The following JAK1 variants were observed in gnomAD, a reference collection of about 807,000 sequenced individuals.
The protein encoded by JAK1 is tyrosine-protein kinase JAK1.
A neutral mutation model predicts 136.6 loss-of-function variants in JAK1; 16 were observed. The observed-to-expected ratio is 0.12, with a 90% CI of 0.08 to 0.18. The LOEUF (loss-of-function observed/expected upper bound fraction) is 0.18. JAK1 is among the 10% of genes least tolerant of loss of function. The pLI is 1.00. For synonymous variants in JAK1, 492 were observed against 519.5 expected (o/e 0.95, Z 0.72); for missense variants, 859 against 1,450.1 (o/e 0.59, Z 6.62).
chr1:65,030,692 C>T (rs1035335083), intron 2 of JAK1, among the ~76,000 whole-genome samples: 1 of 152,112 alleles, frequency 6.6e-6, no homozygotes. Context: ...ACACCAGGCC[C>T]AGCTAATTTT....
chr1:64,965,235 T>C (rs550940974), intron 1 of JAK1, among the ~76,000 whole-genome samples: 1 of 152,280 alleles, frequency 6.6e-6, no homozygotes, highest in South Asian at 2.1e-4. Context: ...TATACCACTG[T>C]AAATTCCTGC....
At chr1:64,863,658 T>C (rs749639498) in intron 8 of JAK1, among the ~76,000 whole-genome samples, 3 of 152,228 alleles carry the variant, frequency 2.0e-5, no homozygotes, top group Non-Finnish European at 4.4e-5. Flanking sequence ...CCTATTGATA[T>C]TTTGAACAAA....
Position 64,844,286 on chromosome 1 carries a change from G to A in JAK1, c.2252-71C>T. On this transcript the variant is annotated intron_variant, in intron 16 of 24. Transcript: ENST00000342505. This position sits in a 1 kb window ranked among gnomAD's most constrained non-coding sequence, Gnocchi z 5.7. ...TAGGGATTCAATTACTGTCACTGCAGCCAGAACAGTGAGCCAATGAAGGAA... is the reference window on the plus strand; with the variant it reads ...TAGGGATTCAATTACTGTCACTGCAACCAGAACAGTGAGCCAATGAAGGAA... 1.3e-6 allele frequency: 2 copies of A among 1,573,892 alleles called. No individual in the cohort carries two copies. The highest frequency in any genetic ancestry group is 1.7e-6 in the Non-Finnish European group (2 of 1,144,368).
rs764314225 is a variant in JAK1 at position 64,860,237 on chromosome 1, T to C, written c.1202A>G (p.Glu401Gly). 6.2e-7 allele frequency: 1 copy of C among 1,606,610 alleles called. No individual in the cohort carries two copies. The highest frequency in any genetic ancestry group is 8.5e-7 in the Non-Finnish European group (1 of 1,175,156). ...TACCAGGGACACAAAGGACAAGGCC[T>C]CCTCGTGGGAAGAGAGCTTCAGTTC... is the stretch of plus-strand genomic sequence containing the variant. The part of the protein sequence containing the change: ...KMELKLSSHE[E>G]ALSFVSLVDG... The change falls in exon 9 of 25, where the codon GAG becomes GGG. Residue 401 changes from glutamate (E) to glycine (G), a missense_variant. This residue lies in a region of JAK1 where 353 missense variants were observed against 494.0 expected (regional missense o/e 0.71). Coordinates refer to ENST00000342505, the MANE Select transcript of JAK1 (RefSeq NM_002227.4).
At chr1:64,965,001 C>T (rs1646347021) in intron 1 of JAK1, among the ~76,000 whole-genome samples, 1 of 152,102 alleles carries the variant, frequency 6.6e-6, no homozygotes, top group Non-Finnish European at 1.5e-5. Flanking sequence ...CAAGAAACAA[C>T]ACATAATGGG....
At position 64,866,945 on chromosome 1, in the gene JAK1, G is replaced by A. The variant is rs748142963; in HGVS notation, c.911C>T (p.Ser304Leu). 12 of 1,614,008 alleles carry A rather than the reference G, an allele frequency of 7.4e-6. No individual in the cohort carries two copies. Among genetic ancestry groups the A allele is most frequent in the Admixed American group, 5.0e-5 (3 of 60,012 alleles). ...SSENEMNWFH[S>L]NDGGNVLYYE... The stretch of plus-strand genomic sequence containing the variant: ...GTAGAGAACGTTTCCACCGTCATTC[G>A]AATGAAACCAATTCATCTCATTTTC... The change falls in exon 7 of 25, where the codon TCG (serine) becomes TTG (leucine). Residue 304 changes from serine (S) to leucine (L), a missense_variant. Ser to Leu is a moderately radical substitution (Grantham distance 145). Coordinates refer to ENST00000342505, the MANE Select transcript of JAK1 (RefSeq NM_002227.4).
chr1:65,063,676 A>C (rs920279801), intron 1 of JAK1, among the ~76,000 whole-genome samples: 6 of 152,014 alleles, frequency 3.9e-5, no homozygotes, highest in African/African-American at 1.4e-4. Context: ...GTGGTGGCAC[A>C]CACCTGTAGT....
chr1:64,855,027 A>G (rs1655839851), intron 11 of JAK1, among the ~76,000 whole-genome samples: 1 of 152,068 alleles, frequency 6.6e-6, no homozygotes. Context: ...TGTTAGTTAA[A>G]ACACCCATCA....
intron 2 of JAK1, among the ~76,000 whole-genome samples, chr1:65,004,464 G>A (rs981882904): frequency 6.6e-6 from 1 of 152,172 alleles, no homozygotes; most frequent in Admixed American, 6.5e-5. Flanking sequence ...ATTTCACTCA[G>A]GCTTTGACTG....
intron 1 of JAK1, among the ~76,000 whole-genome samples, chr1:64,902,661 G>C (rs1645129526): frequency 6.7e-6 from 1 of 149,616 alleles, no homozygotes. Flanking sequence ...ATAATAGGAA[G>C]AAGGGAGTTA....
intron 2 of JAK1, among the ~76,000 whole-genome samples, chr1:65,008,436 ACTT>A (rs545725477): frequency 2.4e-4 from 37 of 152,148 alleles, no homozygotes; most frequent in Non-Finnish European, 4.4e-4. Context: ...TTTTCTATGA[ACTT>A]CTTTTTTTTT....
At chr1:64,867,719 G>A (rs751954814) in intron 6 of JAK1, among the ~76,000 whole-genome samples, 18 of 152,296 alleles carry the variant, frequency 1.2e-4, no homozygotes, top group South Asian at 2.1e-4. Context: ...GGCTGGGGGC[G>A]GTGGCTCACG....
chr1:64,922,072 C>T (rs1415478485), intron 1 of JAK1, among the ~76,000 whole-genome samples: 3 of 151,832 alleles, frequency 2.0e-5, no homozygotes, highest in African/African-American at 2.4e-5. Flanking sequence ...ACAGGGCTTG[C>T]AGCAGTTCTT....
intron 8 of JAK1, among the ~76,000 whole-genome samples, chr1:64,861,013 G>C (rs1337614673): frequency 6.6e-6 from 1 of 151,084 alleles, no homozygotes; most frequent in Non-Finnish European, 1.5e-5. Flanking sequence ...GGCTGTGGCA[G>C]GCAGGGAGAC....
chr1:65,042,455 T>G (rs888949743), intron 2 of JAK1, among the ~76,000 whole-genome samples: 11 of 151,476 alleles, frequency 7.3e-5, no homozygotes, highest in Non-Finnish European at 1.3e-4. Flanking sequence ...CCCCAGAAAT[T>G]TCTTTTTACA....
intron 2 of JAK1, among the ~76,000 whole-genome samples, chr1:64,998,670 C>T (rs766220863): frequency 5.9e-5 from 9 of 152,048 alleles, no homozygotes; most frequent in Admixed American, 2.0e-4. Flanking sequence ...ATCATGGGGG[C>T]GGGTCTTTTC....
chr1:65,012,022 G>C (rs535024038), intron 2 of JAK1, among the ~76,000 whole-genome samples: 1 of 152,194 alleles, frequency 6.6e-6, no homozygotes, highest in East Asian at 1.9e-4. Flanking sequence ...CAGTTTGGGC[G>C]CCTGTTAGCT....
chr1:64,977,556 G>A (rs974627272), intron 2 of JAK1, among the ~76,000 whole-genome samples: 3 of 150,566 alleles, frequency 2.0e-5, no homozygotes, highest in Admixed American at 1.3e-4. Flanking sequence ...TCAGCCTCCC[G>A]ACTAGGTGGG....
intron 2 of JAK1, among the ~76,000 whole-genome samples, chr1:65,016,492 T>C (rs1646892949): frequency 1.3e-5 from 2 of 151,990 alleles, no homozygotes; most frequent in Admixed American, 1.3e-4. Context: ...CATGATGGCA[T>C]GCGCCTGTAG....
Sources: gnomAD v4.1 joint callset for allele counts (sites outside exome capture counted in the v4.1 genomes callset) on GRCh38, gnomAD v4.1.1 for gene constraint, gnomAD v4.1.1 regional missense constraint, Gnocchi (gnomAD v3.1) non-coding constraint, MANE v1.5 for transcripts, NCBI Gene and HGNC (gene_info 2026-07-23, HGNC 2026-07-21) for gene names.